The following CACNA2D1 variants were observed in gnomAD, a reference collection of about 807,000 sequenced individuals.
CACNA2D1 encodes the protein voltage-dependent calcium channel subunit alpha-2/delta-1.
In CACNA2D1, 53 loss-of-function variants were observed where a neutral mutation model predicts 171.5. The ratio of observed to expected loss-of-function variants is 0.31; its 90% CI spans 0.25 to 0.39. The LOEUF is 0.39. Among genes scored for constraint, CACNA2D1 ranks in the 10% least tolerant of loss-of-function variants. The probability of loss-of-function intolerance (pLI) is 1.00; values close to 1 mark genes in which losing one functional copy is unlikely to be tolerated. For missense variants in CACNA2D1, 903 were observed against 1,299.8 expected (o/e 0.69, Z 4.69); for synonymous variants, 442 against 443.1 (o/e 1.00, Z 0.03).
At chr7:82,186,686 T>C (rs79258407) in intron 3 of CACNA2D1, among the ~76,000 whole-genome samples, 5,401 of 152,234 alleles carry the variant, frequency 0.035, 150 homozygotes, top group Non-Finnish European at 0.053. Context: ...GTAACATAGA[T>C]GGAACACGTT....
chr7:82,090,286 T>C (rs993166323), intron 6 of CACNA2D1, among the ~76,000 whole-genome samples: 29 of 152,134 alleles, frequency 1.9e-4, no homozygotes, highest in African/African-American at 7.0e-4. Context: ...AGCAGATTTA[T>C]GCAAGAAAAA....
intron 2 of CACNA2D1, among the ~76,000 whole-genome samples, chr7:82,337,324 A>T (rs1416003968): frequency 6.6e-6 from 1 of 152,130 alleles, no homozygotes; most frequent in Non-Finnish European, 1.5e-5. Flanking sequence ...CCCGCCAAAA[A>T]AACTAGCTCT....
intron 1 of CACNA2D1, among the ~76,000 whole-genome samples, chr7:82,370,632 C>A (rs1822302250): frequency 6.6e-6 from 1 of 151,884 alleles, no homozygotes; most frequent in Non-Finnish European, 1.5e-5. Context: ...AGTAGATACA[C>A]ATACTCTTTG....
intron 38 of CACNA2D1, among the ~76,000 whole-genome samples, chr7:81,951,971 T>TC (rs995578605): frequency 1.5e-5 from 2 of 130,664 alleles, no homozygotes. Context: ...TACAAAGTGT[T>TC]TTTTTTTTTT....
At chr7:82,135,519 A>G (rs1485589474) in intron 5 of CACNA2D1, among the ~76,000 whole-genome samples, 1 of 152,084 alleles carries the variant, frequency 6.6e-6, no homozygotes, top group African/African-American at 2.4e-5. Context: ...TCAACTATAA[A>G]CTGGAGAAAA....
At chr7:82,234,978 GA>G (rs1318061597) in intron 3 of CACNA2D1, among the ~76,000 whole-genome samples, 3 of 152,044 alleles carry the variant, frequency 2.0e-5, no homozygotes, top group African/African-American at 7.2e-5. Flanking sequence ...CAAGTGCTGC[GA>G]TTTATCACTT....
rs1201529087 is a variant in CACNA2D1, at chr7:81,997,235, C to G, written c.1606G>C (p.Glu536Gln). ...NLQPKNPKSQ[E>Q]PVTLDFLDAE... ...TCAAGGAAATCCAATGTTACTGGCTCCTGAGATTTGGGGTTCTACACAGAA... is the reference window on the plus strand; with the variant it reads ...TCAAGGAAATCCAATGTTACTGGCTGCTGAGATTTGGGGTTCTACACAGAA... Residue 536 changes from glutamate (E) to glutamine (Q), a missense_variant, in exon 19 of 39, where the codon GAG (glutamate) becomes CAG (glutamine). By Grantham distance (29) the Glu-to-Gln change is conservative. Coordinates refer to ENST00000356860, the MANE Select transcript of CACNA2D1 (RefSeq NM_000722.4). 5 of 1,602,996 alleles carry G rather than the reference C, an allele frequency of 3.1e-6. No individual in the cohort carries two copies. Among genetic ancestry groups the G allele is most frequent in the Non-Finnish European group, 4.3e-6 (5 of 1,170,430 alleles).
At chr7:81,967,087 A>G in intron 31 of CACNA2D1, 82 bp downstream of exon 31, 1 of 972,022 alleles carries the variant, frequency 1.0e-6, no homozygotes, top group Non-Finnish European at 1.6e-6. Context: ...AAATTCCTGC[A>G]TATTTTTTCA....
intron 4 of CACNA2D1, among the ~76,000 whole-genome samples, chr7:82,142,838 T>G (rs1195865461): frequency 6.6e-6 from 1 of 150,836 alleles, no homozygotes; most frequent in East Asian, 2.0e-4. Flanking sequence ...TGTTAATGAT[T>G]CATGCCAGCC....
intron 3 of CACNA2D1, among the ~76,000 whole-genome samples, chr7:82,304,980 G>GT (rs1813537673): frequency 6.6e-6 from 1 of 152,100 alleles, no homozygotes; most frequent in Non-Finnish European, 1.5e-5. Context: ...TGTGTACACC[G>GT]TAAGTATGTA....
chr7:82,286,180 G>A (rs1413842746), intron 3 of CACNA2D1, among the ~76,000 whole-genome samples: 1 of 151,906 alleles, frequency 6.6e-6, no homozygotes, highest in Non-Finnish European at 1.5e-5. Context: ...TTGCTATCTA[G>A]GGGCTTTAAT....
chr7:82,057,518 T>C (rs558940845), intron 10 of CACNA2D1, among the ~76,000 whole-genome samples: 3 of 151,660 alleles, frequency 2.0e-5, no homozygotes, highest in Non-Finnish European at 2.9e-5. Flanking sequence ...CCTAAATCTA[T>C]AGCTACTATC....
chr7:81,964,207 C>G lies in CACNA2D1; in HGVS notation c.2727G>C (p.Val909=). 6.2e-7 allele frequency: 1 copy of G among 1,612,734 alleles called. No homozygotes were observed. Among genetic ancestry groups the G allele is most frequent in the Non-Finnish European group, 8.5e-7 (1 of 1,179,128 alleles). ...KQGAGHRSAY[V]PSVADILQIG... ...TGATTAGACCGTGGATATTACTGAC[C>G]ACATATGCTGAGCGATGTCCTGCTC... The change falls in exon 33 of 39, where the codon GTG becomes GTC. Residue 909 remains valine (V), a splice_region_variant and synonymous_variant. Transcript: ENST00000356860.
intron 3 of CACNA2D1, among the ~76,000 whole-genome samples, chr7:82,250,973 G>A (rs1019898160): frequency 1.3e-5 from 2 of 151,978 alleles, no homozygotes; most frequent in South Asian, 4.1e-4. Context: ...AGAGTCTGTT[G>A]TACATATTTA....
At chr7:82,234,735 A>C (rs1207829078) in intron 3 of CACNA2D1, among the ~76,000 whole-genome samples, 1 of 152,220 alleles carries the variant, frequency 6.6e-6, no homozygotes, top group Admixed American at 6.5e-5. Flanking sequence ...TTAAGTAAAC[A>C]TAAGAAAACA....
intron 37 of CACNA2D1, 124 bp downstream of exon 37, chr7:81,959,596 C>G: frequency 9.3e-7 from 1 of 1,075,672 alleles, no homozygotes; most frequent in East Asian, 2.6e-5. Context: ...GGAATCGATT[C>G]TGCCTTTGCG....
chr7:82,193,983 C>G (rs1798600645), intron 3 of CACNA2D1, among the ~76,000 whole-genome samples: 1 of 151,918 alleles, frequency 6.6e-6, no homozygotes, highest in South Asian at 2.1e-4. Context: ...GCACTGGAAT[C>G]CCACTATAAT....
At chr7:81,950,609 C>T in intron 38 of CACNA2D1, 101 bp from the exon 39 acceptor site, 2 of 1,448,470 alleles carry the variant, frequency 1.4e-6, no homozygotes, top group African/African-American at 1.4e-5. Context: ...ATTTAGTTCA[C>T]TTTCTGAACT....
At chr7:82,007,397 G>A (rs1441007667) in intron 16 of CACNA2D1, among the ~76,000 whole-genome samples, 1 of 152,036 alleles carries the variant, frequency 6.6e-6, no homozygotes, top group Non-Finnish European at 1.5e-5. Context: ...CAATATTACT[G>A]TCCATTTATC....
Sources: gnomAD v4.1 joint callset for allele counts (sites outside exome capture counted in the v4.1 genomes callset) on GRCh38, gnomAD v4.1.1 for gene constraint, MANE v1.5 for transcripts, NCBI Gene and HGNC (gene_info 2026-07-23, HGNC 2026-07-21) for gene names.